VRK2: variants seen among roughly 807,000 people sequenced by gnomAD.
The protein encoded by VRK2 is serine/threonine-protein kinase VRK2.
Under a neutral mutation model 57.6 loss-of-function variants are expected in VRK2, and 60 were observed. The ratio of observed to expected loss-of-function variants is 1.04; its 90% CI spans 0.85 to 1.29. The LOEUF (loss-of-function observed/expected upper bound fraction) is 1.29. Among genes scored for constraint, VRK2 ranks in the 50% most tolerant of loss-of-function variants. The probability of loss-of-function intolerance (pLI) is 0.00; values close to 1 mark genes in which losing one functional copy is unlikely to be tolerated. For synonymous variants in VRK2, 231 were observed against 199.2 expected (o/e 1.16, Z -1.35); for missense variants, 705 against 588.1 (o/e 1.20, Z -2.06).
intron 7 of VRK2, among the ~76,000 whole-genome samples, chr2:58,121,444 A>G (rs577569391): frequency 3.3e-5 from 5 of 152,320 alleles, no homozygotes; most frequent in African/African-American, 1.2e-4. Context: ...AACCTGTTCC[A>G]TATCTGATCC....
intron 2 of VRK2, among the ~76,000 whole-genome samples, chr2:58,069,476 T>G (rs1251294665): frequency 6.6e-6 from 1 of 152,174 alleles, no homozygotes; most frequent in Non-Finnish European, 1.5e-5. Flanking sequence ...GATCTCCTTT[T>G]TAGGTTCTCT....
intron 1 of VRK2, among the ~76,000 whole-genome samples, chr2:57,977,852 G>C (rs781644122): frequency 2.0e-5 from 3 of 151,116 alleles, no homozygotes; most frequent in African/African-American, 4.9e-5. Flanking sequence ...CTGGCTGTAG[G>C]TTTGTCAGAG....
chr2:57,936,628 T>C (rs1158081704), intron 1 of VRK2, among the ~76,000 whole-genome samples: 1 of 151,822 alleles, frequency 6.6e-6, no homozygotes, highest in Non-Finnish European at 1.5e-5. Context: ...CCGCCTGTTT[T>C]ATTTATTAAT....
intron 11 of VRK2, 53 bp downstream of exon 11, chr2:58,139,885 A>G: frequency 1.4e-6 from 2 of 1,477,286 alleles, no homozygotes; most frequent in Non-Finnish European, 1.8e-6. Context: ...ATACTTTTCT[A>G]TCGAATGAAA....
chr2:57,958,265 A>G (rs1252306032), intron 1 of VRK2, among the ~76,000 whole-genome samples: 1 of 152,200 alleles, frequency 6.6e-6, no homozygotes, highest in Admixed American at 6.6e-5. Flanking sequence ...TTAAAATATA[A>G]TGAAACCTTT....
At chr2:58,033,478 G>C (rs767242299) in exon 3 of VRK2, 1 of 151,934 alleles carries the variant, frequency 6.6e-6, no homozygotes, top group Non-Finnish European at 1.5e-5. Context: ...TCAAAGAAAT[G>C]AATTCTCCCC....
At chr2:58,107,991 G>C (rs577512904) in intron 7 of VRK2, among the ~76,000 whole-genome samples, 1 of 152,130 alleles carries the variant, frequency 6.6e-6, no homozygotes, top group South Asian at 2.1e-4. Context: ...TGGGAAAGAG[G>C]CCCTTTACGT....
intron 2 of VRK2, among the ~76,000 whole-genome samples, chr2:58,052,956 T>G (rs1413995347): frequency 1.3e-5 from 2 of 152,230 alleles, no homozygotes; most frequent in African/African-American, 2.4e-5. Flanking sequence ...GTAAAAGATA[T>G]GATTTATCTG....
intron 7 of VRK2, among the ~76,000 whole-genome samples, chr2:58,106,677 T>C (rs189535041): frequency 7.9e-5 from 12 of 152,088 alleles, no homozygotes; most frequent in Non-Finnish European, 1.8e-4. Context: ...AGTTATAAGA[T>C]CTAGGAGGAA....
At chr2:57,950,349 A>T (rs1671388097) in intron 1 of VRK2, among the ~76,000 whole-genome samples, 1 of 152,232 alleles carries the variant, frequency 6.6e-6, no homozygotes, top group Non-Finnish European at 1.5e-5. Context: ...TTTATGTCAG[A>T]GCCAATGCTC....
chr2:58,081,450 TCTAA>T (rs1393488307), intron 2 of VRK2, among the ~76,000 whole-genome samples: 2 of 152,154 alleles, frequency 1.3e-5, no homozygotes, highest in South Asian at 2.1e-4. Flanking sequence ...TTTTATTTAT[TCTAA>T]CTGTGTTTTC....
At chr2:58,142,977 G>A (rs1046111892) in intron 11 of VRK2, among the ~76,000 whole-genome samples, 2 of 151,848 alleles carry the variant, frequency 1.3e-5, no homozygotes, top group East Asian at 3.9e-4. Flanking sequence ...AGTAGCTGCA[G>A]GTCAGAGCTA....
intron 1 of VRK2, among the ~76,000 whole-genome samples, chr2:57,942,608 T>A (rs953027398): frequency 1.3e-5 from 2 of 152,222 alleles, no homozygotes; most frequent in Non-Finnish European, 2.9e-5. Context: ...GTGTATGCTT[T>A]TTAAATAACT....
At chr2:58,099,798 C>A (rs183766559) in intron 7 of VRK2, among the ~76,000 whole-genome samples, 1 of 152,140 alleles carries the variant, frequency 6.6e-6, no homozygotes, top group African/African-American at 2.4e-5. Context: ...TCAGCACTGC[C>A]ATTAAGCAGA....
intron 7 of VRK2, among the ~76,000 whole-genome samples, chr2:58,092,911 G>A (rs1361862253): frequency 6.6e-6 from 1 of 152,140 alleles, no homozygotes; most frequent in Non-Finnish European, 1.5e-5. Context: ...AGAACATGCG[G>A]TGTTTGGTTT....
chr2:57,961,255 G>A (rs1671749059), intron 1 of VRK2, among the ~76,000 whole-genome samples: 1 of 152,186 alleles, frequency 6.6e-6, no homozygotes, highest in Non-Finnish European at 1.5e-5. Context: ...AAAGAGAAGA[G>A]TGATGCTTCA....
intron 2 of VRK2, among the ~76,000 whole-genome samples, chr2:58,064,428 A>G (rs568635028): frequency 2.6e-5 from 4 of 152,170 alleles, no homozygotes; most frequent in Non-Finnish European, 5.9e-5. Context: ...AAGCAAAAAG[A>G]TAACTTGCTA....
rs144249242 is a variant in VRK2 at position 57,987,293 on chromosome 2, C to T, written c.-438-38372C>T. On this transcript the variant is annotated intron_variant, in intron 1 of 15. Coordinates refer to the VRK2 transcript ENST00000417641. ...AGGACTTGTATCCAGAATATATAAA[C>T]AACTCTCAAAACTCAGTAAGAAGAC... Among the ~76,000 whole-genome samples the T allele has an allele frequency of 4.5e-3, 681 of 152,106 alleles. 7 individuals are homozygous for T. The highest frequency in any genetic ancestry group is 0.016 in the African/African-American group (648 of 41,510).
chr2:58,056,313 C>G (rs1238916304), intron 2 of VRK2, among the ~76,000 whole-genome samples: 1 of 152,112 alleles, frequency 6.6e-6, no homozygotes, highest in Non-Finnish European at 1.5e-5. Context: ...AAACATATAA[C>G]TGCCACAAAT....
Sources: gnomAD v4.1 joint callset for allele counts (sites outside exome capture counted in the v4.1 genomes callset) on GRCh38, gnomAD v4.1.1 for gene constraint, MANE v1.5 for transcripts, NCBI Gene and HGNC (gene_info 2026-07-23, HGNC 2026-07-21) for gene names.